The following ATG4C variants were observed in gnomAD, a reference collection of about 807,000 sequenced individuals.
ATG4C encodes cysteine protease ATG4C.
A neutral mutation model predicts 57.6 loss-of-function variants in ATG4C; 56 were observed. The observed-to-expected ratio is 0.97, with a 90% CI of 0.78 to 1.21. ATG4C has a LOEUF of 1.21. Among genes scored for constraint, ATG4C ranks in the 50% most tolerant of loss-of-function variants. ATG4C has a pLI of 0.00. For synonymous variants in ATG4C, 157 were observed against 174.1 expected, an observed-to-expected ratio of 0.90 and a Z score of 0.78; for missense variants, 595 against 529.8, an observed-to-expected ratio of 1.12 and a Z score of -1.21.
intron 1 of ATG4C, among the ~76,000 whole-genome samples, chr1:62,795,056 C>A (rs1301277140): frequency 1.3e-5 from 2 of 152,170 alleles, no homozygotes; most frequent in Non-Finnish European, 2.9e-5. Context: ...TTTCATCTAG[C>A]AGCAGAATAC....
chr1:62,815,032 T>A (rs541934235), intron 3 of ATG4C, among the ~76,000 whole-genome samples: 23 of 152,268 alleles, frequency 1.5e-4, no homozygotes, highest in Non-Finnish European at 1.0e-4. Context: ...ACCACTGCAC[T>A]CCAGCCTGGG....
chr1:62,835,372 T>C (rs1665968313), intron 9 of ATG4C: 2 of 341,894 alleles, frequency 5.8e-6, no homozygotes, highest in Non-Finnish European at 1.2e-5. Flanking sequence ...AACCTCTTCT[T>C]TTCCTTTATA....
intron 3 of ATG4C, among the ~76,000 whole-genome samples, chr1:62,812,262 G>A (rs931963854): frequency 6.6e-6 from 1 of 152,100 alleles, no homozygotes; most frequent in East Asian, 1.9e-4. Flanking sequence ...ACATCAAAAA[G>A]CTTATGCACC....
chr1:62,858,835 A>G (rs932000144), intron 10 of ATG4C, among the ~76,000 whole-genome samples: 3 of 152,320 alleles, frequency 2.0e-5, no homozygotes, highest in South Asian at 4.1e-4. Context: ...AAGATTGTGT[A>G]GTGAGGAAAT....
At chr1:62,784,618 C>T (rs1664022387) in intron 1 of ATG4C, among the ~76,000 whole-genome samples, 1 of 152,050 alleles carries the variant, frequency 6.6e-6, no homozygotes, top group Non-Finnish European at 1.5e-5. Flanking sequence ...CTCTGTCGGC[C>T]CTGTTTTTCC....
Position 62,821,128 on chromosome 1 carries a change from T to C in ATG4C, c.726-11T>C, listed in dbSNP as rs372248687. 2.5e-6 allele frequency: 4 copies of C among 1,582,190 alleles called. No individual in the cohort carries two copies. The highest frequency in any genetic ancestry group is 2.6e-6 in the Non-Finnish European group (3 of 1,166,532). On this transcript the variant is annotated splice_polypyrimidine_tract_variant and intron_variant, in intron 5 of 10. Coordinates refer to ENST00000317868, the MANE Select transcript of ATG4C (RefSeq NM_032852.4). Reference sequence around the variant, plus strand: ...TAGGATTTTGAAAGATAATGCTTGTTATTTTCTCAGAAAAGCAGTTGAAGA... The same window carrying C: ...TAGGATTTTGAAAGATAATGCTTGTCATTTTCTCAGAAAAGCAGTTGAAGA...
chr1:62,854,555 G>T (rs949296336), intron 10 of ATG4C, among the ~76,000 whole-genome samples: 3 of 152,120 alleles, frequency 2.0e-5, no homozygotes, highest in African/African-American at 4.8e-5. Context: ...GGGATTACAG[G>T]CATGAGCCAC....
chr1:62,856,049 T>C (rs1572177139), intron 10 of ATG4C, among the ~76,000 whole-genome samples: 1 of 152,182 alleles, frequency 6.6e-6, no homozygotes, highest in East Asian at 1.9e-4. Context: ...GAGAATAGGT[T>C]TGCTCTGTAG....
rs1373483524 is a variant in ATG4C at position 62,864,057 on chromosome 1, CTA to C, written c.1277_1278del (p.Tyr426Ter). The C allele has an allele frequency of 1.9e-6, 3 of 1,600,162 alleles. No homozygotes were observed. The highest frequency in any genetic ancestry group is 2.6e-6 in the Non-Finnish European group (3 of 1,174,340). On this transcript the variant is annotated frameshift_variant, in exon 11 of 11. Transcript: ENST00000317868. LOFTEE classifies it high-confidence loss of function. ...FTFVNGHSRDYDFTSTTTNEE... is the reference protein window; with the variant it reads ...FTFVNGHSRDXDFTSTTTNEE... ...CTTTTGTAAATGGTCATTCCAGAGACTATGATTTTACATCTACTACAACCAAT... is the reference window on the plus strand; with the variant it reads ...CTTTTGTAAATGGTCATTCCAGAGACTGATTTTACATCTACTACAACCAAT...
intron 10 of ATG4C, among the ~76,000 whole-genome samples, chr1:62,855,275 T>C (rs2100362557): frequency 6.6e-6 from 1 of 152,286 alleles, no homozygotes; most frequent in Non-Finnish European, 1.5e-5. Flanking sequence ...CTCACAAACT[T>C]AGGTTGTATT....
chr1:62,838,673 G>T (rs1398384162), intron 9 of ATG4C, among the ~76,000 whole-genome samples: 1 of 151,776 alleles, frequency 6.6e-6, no homozygotes, highest in Non-Finnish European at 1.5e-5. Context: ...CCAGCTACTC[G>T]AGAGGCTGAG....
chr1:62,799,301 C>T (rs983843790), intron 1 of ATG4C, among the ~76,000 whole-genome samples: 3 of 152,190 alleles, frequency 2.0e-5, no homozygotes, highest in African/African-American at 7.2e-5. Context: ...TGAAAAGTAA[C>T]TATGCTGAAT....
In ATG4C at chr1:62,834,124, A is replaced by T; in HGVS notation, c.1012+8A>T. The T allele has an allele frequency of 6.2e-7, 1 of 1,607,214 alleles. No individual in the cohort carries two copies. Among genetic ancestry groups the T allele is most frequent in the East Asian group, 2.2e-5 (1 of 44,724 alleles). On this transcript the variant is annotated splice_region_variant and intron_variant, in intron 8 of 10. Coordinates refer to ENST00000317868, the MANE Select transcript of ATG4C (RefSeq NM_032852.4). ...ACTTTGCTGGATTTCAAGGTTAGTG[A>T]TTTAGTAAAATATATTTCTTCATTG...
intron 10 of ATG4C, among the ~76,000 whole-genome samples, chr1:62,852,808 C>T (rs1264450888): frequency 1.4e-5 from 2 of 147,328 alleles, no homozygotes; most frequent in Admixed American, 6.8e-5. Flanking sequence ...GTAAGTTTTT[C>T]GTAATTATAA....
intron 7 of ATG4C, among the ~76,000 whole-genome samples, chr1:62,831,866 T>G (rs1320148999): frequency 6.6e-6 from 1 of 152,204 alleles, no homozygotes; most frequent in Non-Finnish European, 1.5e-5. Flanking sequence ...AGAACCAAAG[T>G]CTTTCTTCCG....
intron 7 of ATG4C, among the ~76,000 whole-genome samples, chr1:62,830,498 C>T (rs1186933276): frequency 6.6e-6 from 1 of 152,114 alleles, no homozygotes; most frequent in Non-Finnish European, 1.5e-5. Flanking sequence ...TGGCTTCAGG[C>T]ATGTTTCATC....
intron 4 of ATG4C, among the ~76,000 whole-genome samples, chr1:62,817,700 A>G (rs1397717075): frequency 6.6e-6 from 1 of 152,182 alleles, no homozygotes; most frequent in Non-Finnish European, 1.5e-5. Flanking sequence ...AAAAAATGTC[A>G]TTGATACTTA....
At chr1:62,855,898 A>G (rs541030816) in intron 10 of ATG4C, among the ~76,000 whole-genome samples, 2 of 152,214 alleles carry the variant, frequency 1.3e-5, no homozygotes, top group Non-Finnish European at 2.9e-5. Flanking sequence ...CAGACAGTTG[A>G]GTATCTAATC....
At chr1:62,831,090 C>T (rs10889383) in intron 7 of ATG4C, among the ~76,000 whole-genome samples, 94,629 of 151,968 alleles carry the variant, frequency 0.62, 29,587 homozygotes, top group Admixed American at 0.7. Context: ...AACATTTTCT[C>T]GAGCTTTTAC....
Sources: gnomAD v4.1 joint callset for allele counts (sites outside exome capture counted in the v4.1 genomes callset) on GRCh38, gnomAD v4.1.1 for gene constraint, MANE v1.5 for transcripts, NCBI Gene and HGNC (gene_info 2026-07-23, HGNC 2026-07-21) for gene names.